EREG: variants seen among roughly 807,000 people sequenced by gnomAD.
EREG encodes proepiregulin.
In EREG, 23 loss-of-function variants were observed where a neutral mutation model predicts 22.4. That is an observed-to-expected ratio of 1.03 (90% CI 0.74 to 1.46). The LOEUF is 1.46. Ranked by LOEUF, EREG falls within the 40% of genes most tolerant of loss-of-function variation. EREG has a pLI of 0.00. For missense variants in EREG, 226 were observed against 205.9 expected, an observed-to-expected ratio of 1.10 and a Z score of -0.60; for synonymous variants, 100 against 75.4, an observed-to-expected ratio of 1.33 and a Z score of -1.69.
chr4:74,381,152 A>G lies in EREG; in HGVS notation c.278+15A>G. The G allele has an allele frequency of 6.2e-7, 1 of 1,605,736 alleles. No individual in the cohort carries two copies. The highest frequency in any genetic ancestry group is 8.5e-7 in the Non-Finnish European group (1 of 1,176,970). On this transcript the variant is annotated intron_variant, in intron 3 of 4. Transcript: ENST00000244869. ...AACTACTGCAGGTAATATGTCAGAA[A>G]TAAACAAACACAGTTTGTAAAATTT...
chr4:74,382,656 G>A lies in EREG; in HGVS notation c.290G>A (p.Gly97Asp), dbSNP rs200909382. ...GTATTTTCCTTCAGGTGTGAAGTGG[G>A]TTATACTGGTGTCCGATGTGAACAC... ...MSQNYCRCEVGYTGVRCEHFF... is the reference protein window; with the variant it reads ...MSQNYCRCEVDYTGVRCEHFF... The change falls in exon 4 of 5, where the codon GGT becomes GAT. Residue 97 changes from glycine to aspartate, a missense_variant. Physicochemically the swap from Gly to Asp is moderately conservative, Grantham distance 94 (BLOSUM62 -1). Coordinates refer to ENST00000244869, the MANE Select transcript of EREG (RefSeq NM_001432.3). 114 of 1,606,500 alleles carry A rather than the reference G, an allele frequency of 7.1e-5. No homozygotes were observed. The highest frequency in any genetic ancestry group is 8.6e-5 in the Non-Finnish European group (101 of 1,177,216).
At position 74,384,674 on chromosome 4, in the gene EREG, G is replaced by C. The variant is rs920405963; in HGVS notation, c.429-53G>C. 4.9e-6 allele frequency: 5 copies of C among 1,022,178 alleles called. No individual in the cohort carries two copies. In the South Asian group the frequency reaches 6.6e-5, roughly 13 times the overall value. The allele number at this position is 1,022,178 out of a possible 1,614,324, so 63.3% of individuals were successfully genotyped here. Reference sequence around the variant, plus strand: ...TTTGGAGTCCATATATAACACACTTGTTCCTTTGCTATTAACTGCAGTGCT... The same window carrying C: ...TTTGGAGTCCATATATAACACACTTCTTCCTTTGCTATTAACTGCAGTGCT... On this transcript the variant is annotated intron_variant, in intron 4 of 4. Transcript: ENST00000244869.
rs1752571151 is a variant in EREG at position 74,386,490 on chromosome 4, C to T, written c.*1682C>T. 1 of 152,178 alleles carries T rather than the reference C, an allele frequency of 6.6e-6. No homozygotes were observed. Among genetic ancestry groups the T allele is most frequent in the Non-Finnish European group, 1.5e-5 (1 of 68,036 alleles). 9.4% of individuals were successfully genotyped at this position (152,178 alleles called of 1,614,324 possible). A position where few individuals can be genotyped will look rare whatever the true frequency, so the allele number is the denominator to read the frequency against. On this transcript the variant is annotated 3_prime_UTR_variant, in exon 5 of 5. Transcript: ENST00000244869. ...TACATATTGTATATATATTCATATA[C>T]AAACATGTATGTATACATGACCTTA...
rs1055420878 is a variant in EREG, at chr4:74,381,339, A to G, written c.278+202A>G. 138 of 480,850 alleles carry G rather than the reference A, an allele frequency of 2.9e-4. 1 individual carries two copies. Among genetic ancestry groups the G allele is most frequent in the African/African-American group, 2.5e-3 (125 of 50,738 alleles). 29.8% of individuals were successfully genotyped at this position (480,850 alleles called of 1,614,324 possible). ...CCCCCAAAACTCTTCTACCTTTTGA[A>G]GTCTCCAGAGTCTATTACTCCACTC... On this transcript the variant is annotated intron_variant, in intron 3 of 4. Transcript: ENST00000244869.
intron 1 of EREG, among the ~76,000 whole-genome samples, chr4:74,378,884 C>T (rs948144262): frequency 6.6e-6 from 1 of 152,160 alleles, no homozygotes; most frequent in Non-Finnish European, 1.5e-5. Context: ...GATGCCTGTT[C>T]CTCCTCATAT....
In EREG at chr4:74,387,743, T is replaced by G. The variant is rs1276272050; in HGVS notation, c.*2935T>G. 6.6e-6 allele frequency: 1 copy of G among 152,178 alleles called. No homozygotes were observed. The highest frequency in any genetic ancestry group is 1.5e-5 in the Non-Finnish European group (1 of 68,016). 9.4% of individuals were successfully genotyped at this position (152,178 alleles called of 1,614,324 possible). A position where few individuals can be genotyped will look rare whatever the true frequency, so the allele number is the denominator to read the frequency against. Reference sequence around the variant, plus strand: ...CTATATATATTTCTAGAAGGGGCTATGCATATTCAATGTATTGAGAACCAA... The same window carrying G: ...CTATATATATTTCTAGAAGGGGCTAGGCATATTCAATGTATTGAGAACCAA... On this transcript the variant is annotated 3_prime_UTR_variant, in exon 5 of 5. Coordinates refer to ENST00000244869, the MANE Select transcript of EREG (RefSeq NM_001432.3).
In EREG at chr4:74,387,495, A is replaced by G. The variant is rs1369609385; in HGVS notation, c.*2687A>G. ...TTTCATCTTTAAGAATGCTTAAAAA[A>G]GCTAATCCCTAAAATAGTTAGATCT... On this transcript the variant is annotated 3_prime_UTR_variant, in exon 5 of 5. Coordinates refer to ENST00000244869, the MANE Select transcript of EREG (RefSeq NM_001432.3). 1.3e-5 allele frequency: 2 copies of G among 152,244 alleles called. No individual in the cohort carries two copies. The highest frequency in any genetic ancestry group is 1.9e-4 in the East Asian group (1 of 5,206). 9.4% of individuals were successfully genotyped at this position (152,244 alleles called of 1,614,324 possible). A position where few individuals can be genotyped will look rare whatever the true frequency, so the allele number is the denominator to read the frequency against.
At chr4:74,369,367 T>C (rs141750931) in intron 1 of EREG, among the ~76,000 whole-genome samples, 7 of 152,062 alleles carry the variant, frequency 4.6e-5, no homozygotes, top group African/African-American at 7.2e-5. Context: ...TGTGTACTCA[T>C]AGTACATAGT....
chr4:74,383,762 C>T (rs1037866663), intron 4 of EREG, among the ~76,000 whole-genome samples: 2 of 152,168 alleles, frequency 1.3e-5, no homozygotes, highest in African/African-American at 2.4e-5. Context: ...ATTTTGTCCA[C>T]ATTTGATTCT....
intron 1 of EREG, among the ~76,000 whole-genome samples, chr4:74,370,382 G>C (rs1483633919): frequency 6.6e-6 from 1 of 151,946 alleles, no homozygotes; most frequent in Non-Finnish European, 1.5e-5. Flanking sequence ...ACTTTATTTG[G>C]AGTTATCACC....
At chr4:74,381,984 C>CAAAAAAAAAAAAAAA (rs59896791) in intron 3 of EREG, 6 of 38,106 alleles carry the variant, frequency 1.6e-4, no homozygotes, top group African/African-American at 5.0e-4. Context: ...GACTCCGTCT[C>CAAAAAAAAAAAAAAA]AAAAAAAAAA....
chr4:74,374,131 A>C (rs1177418702), intron 1 of EREG, among the ~76,000 whole-genome samples: 1 of 152,252 alleles, frequency 6.6e-6, no homozygotes, highest in East Asian at 1.9e-4. Context: ...ATGATTCTGC[A>C]CAAGTTTGCT....
chr4:74,378,526 G>A (rs1752420556), intron 1 of EREG, among the ~76,000 whole-genome samples: 1 of 152,120 alleles, frequency 6.6e-6, no homozygotes, highest in Non-Finnish European at 1.5e-5. Context: ...ATTGCAAGCT[G>A]AAGCCATTAA....
chr4:74,378,409 A>G (rs1341133535), intron 1 of EREG, among the ~76,000 whole-genome samples: 2 of 152,206 alleles, frequency 1.3e-5, no homozygotes, highest in African/African-American at 2.4e-5. Context: ...AAGCAAGCTT[A>G]ACACACATGT....
chr4:74,378,467 T>C (rs755986145), intron 1 of EREG, among the ~76,000 whole-genome samples: 3 of 152,158 alleles, frequency 2.0e-5, no homozygotes, highest in African/African-American at 7.2e-5. Context: ...ACAAAATATG[T>C]CTAATTTTTT....
At chr4:74,381,180 T>C in intron 3 of EREG, 43 bp downstream of exon 3, 2 of 1,583,098 alleles carry the variant, frequency 1.3e-6, no homozygotes, top group Non-Finnish European at 1.7e-6. Flanking sequence ...TAAAATTTTG[T>C]TTTATAGATT....
chr4:74,384,075 G>C (rs915570922), intron 4 of EREG, among the ~76,000 whole-genome samples: 25 of 152,090 alleles, frequency 1.6e-4, no homozygotes, highest in African/African-American at 6.0e-4. Flanking sequence ...TAGGAAAATA[G>C]CTTAATGAAT....
intron 1 of EREG, among the ~76,000 whole-genome samples, chr4:74,367,014 C>T (rs781182219): frequency 2.6e-5 from 4 of 152,150 alleles, no homozygotes; most frequent in Non-Finnish European, 5.9e-5. Flanking sequence ...CTGAAATTGC[C>T]TTCTTTCCCC....
At position 74,365,297 on chromosome 4, in the gene EREG, C is replaced by T. The variant is rs781387797; in HGVS notation, c.-12C>T. On this transcript the variant is annotated 5_prime_UTR_variant, in exon 1 of 5. Coordinates refer to ENST00000244869, the MANE Select transcript of EREG (RefSeq NM_001432.3). ...GCCCTCCGCCAAGCCCCAGCGCCCG[C>T]TCCCATCGCCGATGACCGCGGGGAG... 1.2e-6 allele frequency: 2 copies of T among 1,601,402 alleles called. No homozygotes were observed. The highest frequency in any genetic ancestry group is 1.7e-6 in the Non-Finnish European group (2 of 1,179,166).
Sources: gnomAD v4.1 joint callset for allele counts (sites outside exome capture counted in the v4.1 genomes callset) on GRCh38, gnomAD v4.1.1 for gene constraint, MANE v1.5 for transcripts, NCBI Gene and HGNC (gene_info 2026-07-23, HGNC 2026-07-21) for gene names.